The following MAST4 variants were observed in gnomAD, a reference collection of about 807,000 sequenced individuals.
MAST4 encodes the protein microtubule associated serine/threonine kinase family member 4.
In MAST4, 89 loss-of-function variants were observed where a neutral mutation model predicts 162.7. The observed-to-expected ratio is 0.55, with a 90% confidence interval of 0.46 to 0.65. The LOEUF is 0.65. Among genes scored for constraint, MAST4 ranks in the 30% least tolerant of loss-of-function variants. MAST4 has a pLI of 0.00. For missense variants in MAST4, 3,153 were observed against 3,374.0 expected, an observed-to-expected ratio of 0.93 and a Z score of 1.62; for synonymous variants, 1,479 against 1,361.1, an observed-to-expected ratio of 1.09 and a Z score of -1.91.
chr5:66,924,817 A>G (rs1188980702), intron 4 of MAST4, among the ~76,000 whole-genome samples: 1 of 152,230 alleles, frequency 6.6e-6, no homozygotes, highest in Non-Finnish European at 1.5e-5. Context: ...TAGGGAAAAG[A>G]TAGTTTACAA....
chr5:66,837,050 G>GTGTGTGTGTGTGTGTGTGTGTGTGTA (rs1239384305), intron 3 of MAST4, among the ~76,000 whole-genome samples: 1 of 151,948 alleles, frequency 6.6e-6, no homozygotes, highest in East Asian at 1.9e-4. Context: ...GTGTGTGTGT[G>GTGTGTGTGTGTGTGTGTGTGTGTGTA]TGTATGTATA....
intron 1 of MAST4, among the ~76,000 whole-genome samples, chr5:66,720,274 AAAT>A (rs1275450417): frequency 6.6e-6 from 1 of 152,132 alleles, no homozygotes; most frequent in Non-Finnish European, 1.5e-5. Context: ...CTTCTGTAAA[AAAT>A]GAAATGGGGA....
intron 5 of MAST4, among the ~76,000 whole-genome samples, chr5:67,078,907 T>TATTTTTATATAAATAA (rs1561621828): frequency 2.8e-4 from 6 of 21,516 alleles, no homozygotes; most frequent in East Asian, 1.2e-3. Context: ...TATATTTTTA[T>TATTTTTATATAAATAA]ATAAATATAT....
intron 4 of MAST4, among the ~76,000 whole-genome samples, chr5:66,933,322 T>C (rs1742371259): frequency 6.6e-6 from 1 of 152,216 alleles, no homozygotes; most frequent in South Asian, 2.1e-4. Flanking sequence ...GAATTGCAGA[T>C]ACATGCATTT....
At chr5:66,998,641 T>G (rs1290130298) in intron 4 of MAST4, among the ~76,000 whole-genome samples, 1 of 152,188 alleles carries the variant, frequency 6.6e-6, no homozygotes, top group Non-Finnish European at 1.5e-5. Context: ...AAATCCATCC[T>G]CAATCTCTTC....
At chr5:67,079,845 C>T (rs1202335252) in intron 5 of MAST4, among the ~76,000 whole-genome samples, 1 of 152,172 alleles carries the variant, frequency 6.6e-6, no homozygotes, top group Non-Finnish European at 1.5e-5. Context: ...CCACCATGAA[C>T]ACAAAGTTCC....
At chr5:66,666,334 C>T (rs1444823541) in intron 1 of MAST4, among the ~76,000 whole-genome samples, 1 of 152,208 alleles carries the variant, frequency 6.6e-6, no homozygotes, top group African/African-American at 2.4e-5. Flanking sequence ...GACTTCCAGT[C>T]AGCTAGAAGT....
At chr5:67,073,279 C>G (rs1761191357) in intron 5 of MAST4, among the ~76,000 whole-genome samples, 1 of 152,194 alleles carries the variant, frequency 6.6e-6, no homozygotes, top group South Asian at 2.1e-4. Context: ...AGGAATGCCT[C>G]TACTGCCACT....
intron 2 of MAST4, among the ~76,000 whole-genome samples, chr5:66,781,081 C>G (rs926575666): frequency 2.0e-5 from 3 of 152,194 alleles, no homozygotes; most frequent in African/African-American, 7.2e-5. Context: ...TTCCATTGCG[C>G]TCCATTCATC....
chr5:67,152,921 G>A, intron 25 of MAST4, 55 bp downstream of exon 25: 1 of 1,422,744 alleles, frequency 7.0e-7, no homozygotes, highest in Non-Finnish European at 9.8e-7. Flanking sequence ...AAGCTGGAGA[G>A]TGGATAGGTT....
chr5:67,000,482 G>T (rs905482664), intron 4 of MAST4, among the ~76,000 whole-genome samples: 1 of 152,170 alleles, frequency 6.6e-6, no homozygotes, highest in African/African-American at 2.4e-5. Flanking sequence ...CGGCTGTGGT[G>T]GCTCACGCCT....
rs745678314 is a variant in MAST4, at chr5:67,160,514, G to T, written c.3707G>T (p.Gly1236Val). ...TPFENTSIKT[G>V]PARRNSYKSR... ...TTTGAAAACACATCAATCAAAACTG[G>T]ACCAGCCAGGAGAAACAGCTATAAG... The change falls in exon 27 of 29, where the codon GGA (glycine) becomes GTA (valine). Residue 1236 changes from glycine to valine, a missense_variant. Coordinates refer to ENST00000403625, the MANE Select transcript of MAST4 (RefSeq NM_001164664.2). 2 of 1,613,804 alleles carry T rather than the reference G, an allele frequency of 1.2e-6. No homozygotes were observed. Among genetic ancestry groups the T allele is most frequent in the South Asian group, 2.2e-5 (2 of 91,062 alleles).
chr5:66,919,137 C>CACACACAA (rs946950174), intron 4 of MAST4, among the ~76,000 whole-genome samples: 2 of 150,260 alleles, frequency 1.3e-5, no homozygotes, highest in African/African-American at 2.5e-5. Flanking sequence ...CACACACACA[C>CACACACAA]AAATTTGAGA....
rs573407893 is a variant in MAST4, at chr5:66,648,941, C to G, written c.363+51923C>G. On this transcript the variant is annotated intron_variant, in intron 1 of 28. Transcript: ENST00000403625. ...ATTAAAAATATTTAAATTTTAAAAA[C>G]CTTTAAATTTCATTTTTCTACTTAG... 2.0e-3 allele frequency among the ~76,000 whole-genome samples: 300 copies of G among 152,050 alleles called. 2 individuals are homozygous for G. Among genetic ancestry groups the G allele is most frequent in the East Asian group, 6.0e-3 (31 of 5,162 alleles).
intron 16 of MAST4, among the ~76,000 whole-genome samples, chr5:67,132,215 G>A (rs1769064855): frequency 6.6e-6 from 1 of 152,044 alleles, no homozygotes; most frequent in Non-Finnish European, 1.5e-5. Context: ...GGATACATGT[G>A]CAGAACGTGC....
intron 5 of MAST4, among the ~76,000 whole-genome samples, chr5:67,087,675 C>T (rs971686198): frequency 5.9e-5 from 9 of 152,214 alleles, no homozygotes; most frequent in African/African-American, 2.2e-4. Flanking sequence ...ATCACTCTCA[C>T]TCATTTTCTC....
intron 4 of MAST4, among the ~76,000 whole-genome samples, chr5:67,043,774 TGTAAA>T (rs989198952): frequency 2.3e-4 from 35 of 152,194 alleles, no homozygotes; most frequent in African/African-American, 8.2e-4. Context: ...AGCACACACT[TGTAAA>T]GTAGAGGTTT....
intron 1 of MAST4, among the ~76,000 whole-genome samples, chr5:66,672,523 G>A (rs1399630668): frequency 1.3e-5 from 2 of 152,160 alleles, no homozygotes; most frequent in South Asian, 2.1e-4. Flanking sequence ...ATATCCCCAC[G>A]GATTTTGGAA....
intron 1 of MAST4, among the ~76,000 whole-genome samples, chr5:66,649,017 T>C (rs1362104403): frequency 6.6e-6 from 1 of 152,124 alleles, no homozygotes; most frequent in Non-Finnish European, 1.5e-5. Flanking sequence ...AAGTAATAGG[T>C]GTATGCTTTA....
Sources: gnomAD v4.1 joint callset for allele counts (sites outside exome capture counted in the v4.1 genomes callset) on GRCh38, gnomAD v4.1.1 for gene constraint, MANE v1.5 for transcripts, NCBI Gene and HGNC (gene_info 2026-07-23, HGNC 2026-07-21) for gene names.